GATAD2B: variants seen among roughly 807,000 people sequenced by gnomAD.
GATAD2B encodes the protein transcriptional repressor p66-beta.
Under a neutral mutation model 64.3 loss-of-function variants are expected in GATAD2B, and 8 were observed. The ratio of observed to expected loss-of-function variants is 0.12; its 90% confidence interval spans 0.07 to 0.22. The LOEUF (loss-of-function observed/expected upper bound fraction) is 0.22. Among genes scored for constraint, GATAD2B ranks in the 10% least tolerant of loss-of-function variants. GATAD2B has a pLI of 1.00. For missense variants in GATAD2B, 453 were observed against 752.0 expected (o/e 0.60, Z 4.65); for synonymous variants, 281 against 271.3 (o/e 1.04, Z -0.35).
At chr1:153,893,488 A>G (rs1409603388) in intron 1 of GATAD2B, among the ~76,000 whole-genome samples, 1 of 152,078 alleles carries the variant, frequency 6.6e-6, no homozygotes, top group Non-Finnish European at 1.5e-5. Context: ...ACATGCCTGT[A>G]GTCCCAGCTA....
chr1:153,913,130 G>A (rs1163944547), intron 1 of GATAD2B, among the ~76,000 whole-genome samples: 9 of 151,816 alleles, frequency 5.9e-5, no homozygotes, highest in Non-Finnish European at 1.3e-4. Flanking sequence ...GTTTCACCAC[G>A]CTGGCCAGGC....
intron 1 of GATAD2B, among the ~76,000 whole-genome samples, chr1:153,857,547 T>A (rs979347242): frequency 3.3e-5 from 5 of 152,174 alleles, no homozygotes; most frequent in Non-Finnish European, 7.3e-5. Flanking sequence ...TGGCACCTGA[T>A]AAACTTTTCA....
At chr1:153,875,954 C>T (rs780603767) in intron 1 of GATAD2B, among the ~76,000 whole-genome samples, 6 of 152,000 alleles carry the variant, frequency 3.9e-5, no homozygotes, top group Non-Finnish European at 7.4e-5. Context: ...CCAGGCCAGG[C>T]ACAGTGGCTC....
intron 1 of GATAD2B, among the ~76,000 whole-genome samples, chr1:153,908,461 CT>C (rs1368180287): frequency 6.6e-6 from 1 of 151,970 alleles, no homozygotes; most frequent in East Asian, 1.9e-4. Context: ...GAACCCAGGA[CT>C]TTTTGACACC....
intron 1 of GATAD2B, chr1:153,852,444 T>TG (rs1675932689): frequency 1.3e-6 from 1 of 761,300 alleles, no homozygotes; most frequent in East Asian, 2.5e-5. Context: ...GCATGTGGTC[T>TG]GGAGCTGCTA....
At chr1:153,905,553 G>GAAAAAAAA (rs769120730) in intron 1 of GATAD2B, among the ~76,000 whole-genome samples, 26 of 64,644 alleles carry the variant, frequency 4.0e-4, no homozygotes, top group African/African-American at 6.8e-4. Flanking sequence ...AACAATTTTG[G>GAAAAAAAA]AAAAAAAAAA....
intron 1 of GATAD2B, among the ~76,000 whole-genome samples, chr1:153,896,028 T>C (rs980698888): frequency 2.7e-5 from 4 of 150,234 alleles, no homozygotes; most frequent in African/African-American, 9.8e-5. Flanking sequence ...CTAGGTGCTG[T>C]GGCATGCGCC....
intron 4 of GATAD2B, 131 bp downstream of exon 4, chr1:153,818,660 A>T: frequency 1.3e-6 from 1 of 775,340 alleles, no homozygotes; most frequent in Non-Finnish European, 2.1e-6. Context: ...AAAAATCACT[A>T]CTACTACAGA....
intron 1 of GATAD2B, among the ~76,000 whole-genome samples, chr1:153,848,374 A>C (rs1369135214): frequency 6.6e-6 from 1 of 152,152 alleles, no homozygotes; most frequent in Non-Finnish European, 1.5e-5. Context: ...ATCTTATTTG[A>C]ACTTTCAGCA....
At chr1:153,840,286 C>T (rs569687453) in intron 1 of GATAD2B, among the ~76,000 whole-genome samples, 78 of 151,486 alleles carry the variant, frequency 5.1e-4, no homozygotes, top group Admixed American at 1.9e-3. Context: ...CCACCTGCCT[C>T]GGCCTCCCAA....
intron 2 of GATAD2B, among the ~76,000 whole-genome samples, chr1:153,826,114 C>T (rs1003234708): frequency 6.6e-6 from 1 of 152,010 alleles, no homozygotes; most frequent in African/African-American, 2.4e-5. Flanking sequence ...CACCATTCTC[C>T]TGCCTCAGCC....
intron 1 of GATAD2B, among the ~76,000 whole-genome samples, chr1:153,841,581 T>C (rs1675498368): frequency 6.6e-6 from 1 of 152,198 alleles, no homozygotes; most frequent in African/African-American, 2.4e-5. Context: ...CCTTTTTCAC[T>C]TAGGATAATT....
chr1:153,815,183 G>A (rs1476764871), intron 7 of GATAD2B, among the ~76,000 whole-genome samples: 3 of 144,732 alleles, frequency 2.1e-5, no homozygotes, highest in African/African-American at 7.6e-5. Flanking sequence ...TGAAATGGGA[G>A]GATGGCTTGA....
chr1:153,884,870 C>T (rs1265712891), intron 1 of GATAD2B, among the ~76,000 whole-genome samples: 1 of 151,606 alleles, frequency 6.6e-6, no homozygotes, highest in Non-Finnish European at 1.5e-5. Context: ...AATTCTCCTG[C>T]CTCAGCCTCC....
chr1:153,878,691 A>T (rs1676910951), intron 1 of GATAD2B, among the ~76,000 whole-genome samples: 1 of 151,404 alleles, frequency 6.6e-6, no homozygotes, highest in Non-Finnish European at 1.5e-5. Flanking sequence ...AACTCTCCCC[A>T]TCAGTGCTGT....
At chr1:153,845,807 C>A (rs1432809243) in intron 1 of GATAD2B, among the ~76,000 whole-genome samples, 1 of 151,938 alleles carries the variant, frequency 6.6e-6, no homozygotes, top group African/African-American at 2.4e-5. Context: ...TGGTGGCATG[C>A]GTCCACAGTT....
In GATAD2B at chr1:153,812,051, T is replaced by C. The variant is rs370083565; in HGVS notation, c.1501A>G (p.Thr501Ala). Residue 501 changes from threonine to alanine, a missense_variant, in exon 9 of 11, where the codon ACC (threonine) becomes GCC (alanine). By Grantham distance (58) the Thr-to-Ala change is moderately conservative (BLOSUM62 0). Coordinates refer to ENST00000368655, the MANE Select transcript of GATAD2B (RefSeq NM_020699.4). Reference protein sequence around the residue: ...PAVSSVSKQETIMRHHTLRQA... With the variant: ...PAVSSVSKQEAIMRHHTLRQA... ...CGAAGCGTATGATGTCTCATGATGG[T>C]CTCTTGTTTACTGACACTGGACACA... 5.0e-6 allele frequency: 8 copies of C among 1,610,606 alleles called. No individual in the cohort carries two copies. In the African/African-American group the frequency reaches 1.1e-4, roughly 22 times the overall value.
chr1:153,904,585 A>C (rs2101963193), intron 1 of GATAD2B, among the ~76,000 whole-genome samples: 1 of 152,294 alleles, frequency 6.6e-6, no homozygotes, highest in South Asian at 2.1e-4. Context: ...TCTGTCACTC[A>C]GGCTGGAGTA....
chr1:153,895,866 A>G (rs1677574146), intron 1 of GATAD2B, among the ~76,000 whole-genome samples: 1 of 152,090 alleles, frequency 6.6e-6, no homozygotes, highest in Non-Finnish European at 1.5e-5. Flanking sequence ...AGGCTTTTCA[A>G]AAATCCATCT....
Sources: allele counts gnomAD v4.1 joint callset (sites outside exome capture counted in the v4.1 genomes callset), GRCh38; gene constraint gnomAD v4.1.1; transcripts MANE v1.5; gene names NCBI Gene and HGNC (gene_info 2026-07-23, HGNC 2026-07-21).